The following ZBTB34 variants were observed in gnomAD, a reference collection of about 807,000 sequenced individuals.
ZBTB34 encodes zinc finger and BTB domain-containing protein 34.
Under a neutral mutation model 33.4 loss-of-function variants are expected in ZBTB34, and 1 was observed. The ratio of observed to expected loss-of-function variants is 0.03; its 90% CI spans 0.01 to 0.14. The LOEUF is 0.14. ZBTB34 is among the 10% of genes least tolerant of loss of function. The pLI, the probability that ZBTB34 is intolerant of heterozygous loss-of-function variation, is 1.00. For missense variants in ZBTB34, 406 were observed against 657.2 expected (o/e 0.62, Z 4.18); for synonymous variants, 283 against 253.5 (o/e 1.12, Z -1.11).
intron 1 of ZBTB34, among the ~76,000 whole-genome samples, chr9:126,870,049 A>G (rs1030318714): frequency 3.3e-4 from 51 of 152,242 alleles, no homozygotes; most frequent in African/African-American, 9.4e-4. Flanking sequence ...TTAAATTAAA[A>G]TAATAGCAGT....
intron 1 of ZBTB34, among the ~76,000 whole-genome samples, chr9:126,876,189 TCCCTCCTTTC>T (rs374546635): frequency 0.24 from 75 of 318 alleles, 2 homozygotes; most frequent in South Asian, 0.5. Context: ...CTTTCCCCCT[TCCCTCCTTTC>T]CCCCCCTTTC....
At chr9:126,872,542 A>T (rs2033294463) in intron 1 of ZBTB34, among the ~76,000 whole-genome samples, 1 of 152,220 alleles carries the variant, frequency 6.6e-6, no homozygotes, top group African/African-American at 2.4e-5. Context: ...GTACAGAGGG[A>T]TAGAGGATCA....
chr9:126,876,193 TC>T (rs1564224395), intron 1 of ZBTB34, among the ~76,000 whole-genome samples: 2 of 214 alleles, frequency 9.3e-3, no homozygotes, highest in South Asian at 0.17. Flanking sequence ...CCCCCTTCCC[TC>T]CTTTCCCCCC....
chr9:126,879,414 G>A lies in ZBTB34; in HGVS notation c.15G>A (p.Met5Ile). 1 of 1,611,924 alleles carries A rather than the reference G, an allele frequency of 6.2e-7. No homozygotes were observed. The highest frequency in any genetic ancestry group is 8.5e-7 in the Non-Finnish European group (1 of 1,178,768). ...GAGTACGCTTCATGTCAGTAGAAATGGACAGCAGCAGTTTTATTCAGTTTG... is the reference window on the plus strand; with the variant it reads ...GAGTACGCTTCATGTCAGTAGAAATAGACAGCAGCAGTTTTATTCAGTTTG... Residue 5 changes from methionine to isoleucine, a missense_variant, in exon 2 of 2, where the codon ATG (methionine) becomes ATA (isoleucine). Met to Ile is a conservative substitution (Grantham distance 10, BLOSUM62 1). This residue lies in a region of ZBTB34 where 50 missense variants were observed against 157.9 expected (regional missense o/e 0.32). Transcript: ENST00000319119. This position sits in a 1 kb window ranked among gnomAD's most constrained non-coding sequence, Gnocchi z 6.4.
chr9:126,880,288 A>G lies in ZBTB34; in HGVS notation c.889A>G (p.Thr297Ala). The stretch of plus-strand genomic sequence containing the variant: ...CTATTCCCAAGCAGCCTCACAGCCA[A>G]CCAATGTATCAGAAGCTTTTGGAAG... Residue 297 changes from threonine to alanine, a missense_variant, in exon 2 of 2, where the codon ACC (threonine) becomes GCC (alanine). Physicochemically the swap from Thr to Ala is moderately conservative, Grantham distance 58. Transcript: ENST00000319119. The surrounding 1 kb of genome is among the most constrained non-coding windows in gnomAD (Gnocchi z 6.7). 1 of 1,614,012 alleles carries G rather than the reference A, an allele frequency of 6.2e-7. No homozygotes were observed. The highest frequency in any genetic ancestry group is 8.5e-7 in the Non-Finnish European group (1 of 1,179,912).
At chr9:126,866,123 C>CT (rs199918868) in intron 1 of ZBTB34, among the ~76,000 whole-genome samples, 220 of 149,648 alleles carry the variant, frequency 1.5e-3, no homozygotes, top group Middle Eastern at 0.01. Flanking sequence ...AGCCTTCTCT[C>CT]TTTTTTTTTT....
At chr9:126,869,643 G>A (rs1456751802) in intron 1 of ZBTB34, among the ~76,000 whole-genome samples, 2 of 152,116 alleles carry the variant, frequency 1.3e-5, no homozygotes, top group Non-Finnish European at 2.9e-5. Context: ...CATCAGAGGT[G>A]GTCCTTCCCA....
intron 1 of ZBTB34, among the ~76,000 whole-genome samples, chr9:126,868,591 T>C (rs1358733571): frequency 6.6e-6 from 1 of 152,220 alleles, no homozygotes; most frequent in African/African-American, 2.4e-5. Context: ...TGCTCACCTT[T>C]GCAGTGTGGC....
At chr9:126,860,785 G>A (rs971600330) in intron 1 of ZBTB34, 46 bp downstream of exon 1, 1 of 145,806 alleles carries the variant, frequency 6.9e-6, no homozygotes, top group African/African-American at 2.5e-5. Flanking sequence ...CTAGGCGCGG[G>A]CGGGGCAGGC....
chr9:126,869,663 T>G (rs1387137444), intron 1 of ZBTB34, among the ~76,000 whole-genome samples: 1 of 152,198 alleles, frequency 6.6e-6, no homozygotes, highest in Non-Finnish European at 1.5e-5. Context: ...AGAAGCTACC[T>G]GGGAGACCAG....
intron 1 of ZBTB34, among the ~76,000 whole-genome samples, chr9:126,877,704 T>C (rs552576193): frequency 6.6e-6 from 1 of 152,342 alleles, no homozygotes; most frequent in South Asian, 2.1e-4. Context: ...AAATAACTAC[T>C]GTTTAAAAAC....
chr9:126,866,704 C>T (rs1008578414), intron 1 of ZBTB34, among the ~76,000 whole-genome samples: 2 of 152,028 alleles, frequency 1.3e-5, no homozygotes, highest in Non-Finnish European at 2.9e-5. Flanking sequence ...CCATTTGCAG[C>T]CCATCTTTCT....
At chr9:126,868,163 G>A (rs1024320098) in intron 1 of ZBTB34, among the ~76,000 whole-genome samples, 4 of 152,194 alleles carry the variant, frequency 2.6e-5, no homozygotes, top group Admixed American at 6.5e-5. Flanking sequence ...GGTAAAATGC[G>A]TTAACCTGGA....
At position 126,880,749 on chromosome 9, in the gene ZBTB34, C is replaced by T. The variant is rs1269519523; in HGVS notation, c.1350C>T (p.His450=). Residue 450 remains histidine (H), a synonymous_variant, in exon 2 of 2, where the codon CAC becomes CAT. Transcript: ENST00000319119. The surrounding 1 kb of genome is among the most constrained non-coding windows in gnomAD (Gnocchi z 6.7). Reference sequence around the variant, plus strand: ...CATTCCAAGGTACCCTCAACCAGCACTTGCGGAAAAACCACCCAGGCGTTG... The same window carrying T: ...CATTCCAAGGTACCCTCAACCAGCATTTGCGGAAAAACCACCCAGGCGTTG... The T allele has an allele frequency of 1.2e-6, 2 of 1,613,672 alleles. No homozygotes were observed. Among genetic ancestry groups the T allele is most frequent in the East Asian group, 2.2e-5 (1 of 44,900 alleles).
At chr9:126,870,002 A>T (rs777412909) in intron 1 of ZBTB34, among the ~76,000 whole-genome samples, 4 of 152,232 alleles carry the variant, frequency 2.6e-5, no homozygotes, top group Non-Finnish European at 1.5e-5. Flanking sequence ...ATACGTATCG[A>T]TACTGAAAAT....
chr9:126,874,852 A>G (rs2033334209), intron 1 of ZBTB34, among the ~76,000 whole-genome samples: 1 of 152,200 alleles, frequency 6.6e-6, no homozygotes, highest in Non-Finnish European at 1.5e-5. Context: ...GCAGTTGTTC[A>G]CATAGGCTTC....
At position 126,880,890 on chromosome 9, in the gene ZBTB34, C is replaced by T. The variant is rs780333838; in HGVS notation, c.1491C>T (p.His497=). The change falls in exon 2 of 2, where the codon CAC becomes CAT. Residue 497 remains histidine, a synonymous_variant. Coordinates refer to ENST00000319119, the Ensembl canonical transcript of ZBTB34. This position sits in a 1 kb window ranked among gnomAD's most constrained non-coding sequence, Gnocchi z 6.7. ...GCCTAGATTCCCGGATGGAAATTCA[C>T]ACAGTGTCTGATGCTCCCGATTAAG... 12 of 1,612,248 alleles carry T rather than the reference C, an allele frequency of 7.4e-6. No homozygotes were observed. The highest frequency in any genetic ancestry group is 8.5e-6 in the Non-Finnish European group (10 of 1,179,354).
Position 126,870,480 on chromosome 9 carries a change from G to A in ZBTB34, c.-10-8910G>A, listed in dbSNP as rs181744440. ...TGCAATTAAATCTAATACTTGCAGCGCATGACAAAAGGCTAATTTCCTTAA... is the reference window on the plus strand; with the variant it reads ...TGCAATTAAATCTAATACTTGCAGCACATGACAAAAGGCTAATTTCCTTAA... On this transcript the variant is annotated intron_variant, in intron 1 of 1. Coordinates refer to ENST00000319119, the Ensembl canonical transcript of ZBTB34. Among the ~76,000 whole-genome samples the A allele has an allele frequency of 3.7e-3, 561 of 152,280 alleles. 2 individuals are homozygous for A. The highest frequency in any genetic ancestry group is 6.5e-3 in the Non-Finnish European group (443 of 68,040).
In ZBTB34 at chr9:126,880,402, C is replaced by G; in HGVS notation, c.1003C>G (p.His335Asp). 6.2e-7 allele frequency: 1 copy of G among 1,613,642 alleles called. No individual in the cohort carries two copies. Among genetic ancestry groups the G allele is most frequent in the South Asian group, 1.1e-5 (1 of 91,066 alleles). ...GAAGCGGGCTTTGTCTGTCCACCTG[C>G]ACAGTGACCTGCAGGGCCTGGTGCA... Residue 335 changes from histidine to aspartate, a missense_variant, in exon 2 of 2, where the codon CAC becomes GAC. By Grantham distance (81) the His-to-Asp change is moderately conservative. This residue lies in a region of ZBTB34 where 123 missense variants were observed against 140.4 expected (regional missense o/e 0.88). Transcript: ENST00000319119. The surrounding 1 kb of genome is among the most constrained non-coding windows in gnomAD (Gnocchi z 6.7).
Sources: gnomAD v4.1 joint callset for allele counts (sites outside exome capture counted in the v4.1 genomes callset) on GRCh38, gnomAD v4.1.1 for gene constraint, gnomAD v4.1.1 regional missense constraint, Gnocchi (gnomAD v3.1) non-coding constraint, MANE v1.5 for transcripts, NCBI Gene and HGNC (gene_info 2026-07-23, HGNC 2026-07-21) for gene names.